NDST4: variants seen among roughly 807,000 people sequenced by gnomAD.
NDST4 encodes N-deacetylase and N-sulfotransferase 4.
Under a neutral mutation model 100.8 loss-of-function variants are expected in NDST4, and 63 were observed. That is an observed-to-expected ratio of 0.62 (90% CI 0.51 to 0.77). NDST4 has a LOEUF of 0.77. Ranked by LOEUF, NDST4 falls within the 30% of genes least tolerant of loss-of-function variation. The pLI is 0.00. For missense variants in NDST4, 943 were observed against 1,018.4 expected (o/e 0.93, Z 1.01); for synonymous variants, 377 against 361.8 (o/e 1.04, Z -0.48).
intron 4 of NDST4, among the ~76,000 whole-genome samples, chr4:114,964,895 C>A (rs1726346134): frequency 6.6e-6 from 1 of 150,900 alleles, no homozygotes; most frequent in South Asian, 2.1e-4. Context: ...GCATAATGCC[C>A]ACAAGGTTCA....
At chr4:114,864,297 G>A (rs1378459874) in intron 7 of NDST4, among the ~76,000 whole-genome samples, 1 of 152,156 alleles carries the variant, frequency 6.6e-6, no homozygotes, top group African/African-American at 2.4e-5. Context: ...GAGGCCATTG[G>A]TTTGCTTTTC....
At position 114,977,273 on chromosome 4, in the gene NDST4, G is replaced by T; in HGVS notation, c.980C>A (p.Ala327Glu). Residue 327 changes from alanine to glutamate, a missense_variant and splice_region_variant, in exon 3 of 14, where the codon GCA becomes GAA. Around this residue, in one of 2 missense-constraint regions of NDST4, gnomAD observed 417 missense variants for 384.2 expected, o/e 1.09. Transcript: ENST00000264363. ...CAGTAAATTTTGAGTCTCTAGTAAT[G>T]CCTGAAATAAATAAGAAATTAACAT... ...GTRMNVKDVK[A>E]LLETQNLLRT... The T allele has an allele frequency of 1.3e-6, 2 of 1,580,932 alleles. No homozygotes were observed. Among genetic ancestry groups the T allele is most frequent in the Non-Finnish European group, 1.7e-6 (2 of 1,159,294 alleles).
intron 1 of NDST4, among the ~76,000 whole-genome samples, chr4:115,101,379 C>A (rs1188031350): frequency 1.3e-5 from 2 of 151,726 alleles, no homozygotes; most frequent in African/African-American, 4.8e-5. Context: ...AATTTAAATT[C>A]TTTGCAGGAA....
Position 115,076,870 on chromosome 4 carries a change from T to C in NDST4, c.167A>G (p.Lys56Arg), listed in dbSNP as rs952296323. 6.2e-7 allele frequency: 1 copy of C among 1,613,874 alleles called. No individual in the cohort carries two copies. The highest frequency in any genetic ancestry group is 8.5e-7 in the Non-Finnish European group (1 of 1,179,890). The change falls in exon 2 of 14, where the codon AAA becomes AGA. Residue 56 changes from lysine to arginine, a missense_variant. Around this residue, in one of 2 missense-constraint regions of NDST4, gnomAD observed 417 missense variants for 384.2 expected, o/e 1.09. Coordinates refer to ENST00000264363, the MANE Select transcript of NDST4 (RefSeq NM_022569.3). ...CTCCATTGACCTATATGGTAGAATT[T>C]TGATGTCAGTGCATTCTGCTTCTGC... The part of the protein sequence containing the change: ...TTAEAECTDI[K>R]ILPYRSMELK...
chr4:114,973,306 A>T (rs6811822), intron 3 of NDST4, among the ~76,000 whole-genome samples: 2,291 of 150,994 alleles, frequency 0.015, 56 homozygotes, highest in African/African-American at 0.052. Context: ...ATATGTGGAA[A>T]TATCATTTGC....
At chr4:114,922,966 G>C (rs1560814223) in intron 6 of NDST4, among the ~76,000 whole-genome samples, 1 of 152,156 alleles carries the variant, frequency 6.6e-6, no homozygotes, top group Non-Finnish European at 1.5e-5. Flanking sequence ...TCAGGCTCAG[G>C]GGATGAGAAA....
At chr4:115,077,823 AC>A (rs1199173245) in intron 1 of NDST4, among the ~76,000 whole-genome samples, 1 of 152,174 alleles carries the variant, frequency 6.6e-6, no homozygotes, top group East Asian at 1.9e-4. Flanking sequence ...ACAGGGAGCC[AC>A]TTGGCCCTCT....
chr4:115,074,578 A>G (rs1729142791), intron 2 of NDST4, among the ~76,000 whole-genome samples: 2 of 152,122 alleles, frequency 1.3e-5, no homozygotes, highest in South Asian at 4.1e-4. Flanking sequence ...TCTCTTCTTA[A>G]CAGTCACAAA....
chr4:114,832,702 A>G (rs1723226298), intron 12 of NDST4, among the ~76,000 whole-genome samples: 1 of 152,072 alleles, frequency 6.6e-6, no homozygotes, highest in Non-Finnish European at 1.5e-5. Context: ...GACTATTGTA[A>G]CAAGTAGAAT....
In NDST4 at chr4:115,022,421, T is replaced by TATATATGTGTTCC. The variant is rs1727868513; in HGVS notation, c.979-45160_979-45148dup. On this transcript the variant is annotated intron_variant, in intron 2 of 13. Transcript: ENST00000264363. ...ATGTGTTCCATATATATGTGTTCCATATATATGTGTTCCATATATATGTGT... is the reference window on the plus strand; with the variant it reads ...ATGTGTTCCATATATATGTGTTCCATATATATGTGTTCCATATATGTGTTCCATATATATGTGT... 2.2e-3 allele frequency among the ~76,000 whole-genome samples: 219 copies of TATATATGTGTTCC among 101,394 alleles called. 24 individuals carry two copies. The highest frequency in any genetic ancestry group is 7.0e-3 in the African/African-American group (187 of 26,844). 66.5% of individuals were successfully genotyped at this position (101,394 alleles called of 152,430 possible).
intron 12 of NDST4, 107 bp from the exon 13 acceptor site, chr4:114,829,999 A>T: frequency 4.1e-6 from 3 of 738,024 alleles, no homozygotes; most frequent in Non-Finnish European, 6.8e-6. Context: ...CACTGATTTA[A>T]TTTAATTCAT....
chr4:114,837,162 G>C (rs533464905), intron 11 of NDST4, among the ~76,000 whole-genome samples: 17 of 152,174 alleles, frequency 1.1e-4, no homozygotes, highest in Admixed American at 8.5e-4. Context: ...GCCTTTGCTG[G>C]AGAGGAGTTG....
chr4:114,965,982 G>T (rs114100822), intron 4 of NDST4, among the ~76,000 whole-genome samples: 2,275 of 151,782 alleles, frequency 0.015, 69 homozygotes, highest in African/African-American at 0.052. Context: ...ATTTATTGAC[G>T]TACTCAAGCA....
At chr4:114,920,530 A>C (rs1725266435) in intron 6 of NDST4, among the ~76,000 whole-genome samples, 1 of 152,188 alleles carries the variant, frequency 6.6e-6, no homozygotes, top group Non-Finnish European at 1.5e-5. Context: ...GGCATTATTG[A>C]ATATCTTAAA....
intron 4 of NDST4, among the ~76,000 whole-genome samples, chr4:114,954,204 A>G (rs1411366699): frequency 1.3e-5 from 2 of 152,120 alleles, no homozygotes; most frequent in East Asian, 1.9e-4. Context: ...TTTTTTGCCT[A>G]TCCTGTTTTA....
At chr4:115,067,235 C>G (rs1393103705) in intron 2 of NDST4, among the ~76,000 whole-genome samples, 4 of 152,154 alleles carry the variant, frequency 2.6e-5, no homozygotes, top group African/African-American at 9.7e-5. Context: ...TAAATCTATA[C>G]TAGCTGATAT....
At chr4:114,938,308 T>C (rs185591406) in intron 4 of NDST4, among the ~76,000 whole-genome samples, 2 of 152,300 alleles carry the variant, frequency 1.3e-5, no homozygotes, top group African/African-American at 4.8e-5. Flanking sequence ...AATTTGTTTT[T>C]ATAAATCTTA....
At position 114,848,338 on chromosome 4, in the gene NDST4, C is replaced by A; in HGVS notation, c.1817G>T (p.Gly606Val). Residue 606 changes from glycine to valine, a missense_variant and splice_region_variant, in exon 9 of 14, where the codon GGA becomes GTA. Physicochemically the swap from Gly to Val is moderately radical, Grantham distance 109. Coordinates refer to ENST00000264363, the MANE Select transcript of NDST4 (RefSeq NM_022569.3). ...KFLVIGPQKT[G>V]TTALYLFLLM... ...AAGAAATAAATAAAGTGCAGTTGTT[C>A]CTGTTACAAAAAAAGAAAGTAAAAG... 6.4e-7 allele frequency: 1 copy of A among 1,569,288 alleles called. No individual in the cohort carries two copies. Among genetic ancestry groups the A allele is most frequent in the Non-Finnish European group, 8.6e-7 (1 of 1,160,342 alleles).
At chr4:115,063,314 A>T (rs971184896) in intron 2 of NDST4, among the ~76,000 whole-genome samples, 11 of 151,998 alleles carry the variant, frequency 7.2e-5, no homozygotes, top group African/African-American at 2.7e-4. Flanking sequence ...CTAGGCTCAG[A>T]GTACACATGA....
Sources: gnomAD v4.1 joint callset for allele counts (sites outside exome capture counted in the v4.1 genomes callset) on GRCh38, gnomAD v4.1.1 for gene constraint, gnomAD v4.1.1 regional missense constraint, MANE v1.5 for transcripts, NCBI Gene and HGNC (gene_info 2026-07-23, HGNC 2026-07-21) for gene names.